The following TTC21A variants were observed in gnomAD, a reference collection of about 807,000 sequenced individuals.
The protein encoded by TTC21A is tetratricopeptide repeat protein 21A.
In TTC21A, 128 loss-of-function variants were observed where a neutral mutation model predicts 156.4. That is an observed-to-expected ratio of 0.82 (90% CI 0.71 to 0.95). The LOEUF (loss-of-function observed/expected upper bound fraction) is 0.95. TTC21A is among the 40% of genes least tolerant of loss of function. The probability of loss-of-function intolerance (pLI) is 0.00; values close to 1 mark genes in which losing one functional copy is unlikely to be tolerated. For synonymous variants in TTC21A, 587 were observed against 617.1 expected (o/e 0.95, Z 0.72); for missense variants, 1,435 against 1,602.3 (o/e 0.90, Z 1.78).
chr3:39,130,838 T>G lies in TTC21A; in HGVS notation c.2457T>G (p.Ile819Met). 1 of 1,614,158 alleles carries G rather than the reference T, an allele frequency of 6.2e-7. No individual in the cohort carries two copies. The highest frequency in any genetic ancestry group is 8.5e-7 in the Non-Finnish European group (1 of 1,180,030). The change falls in exon 18 of 29, where the codon ATT becomes ATG. Residue 819 changes from isoleucine to methionine, a missense_variant and splice_region_variant. Transcript: ENST00000683103. The surrounding 1 kb of genome is among the most constrained non-coding windows in gnomAD (Gnocchi z 4.5). ...TGAAGCAGGCACTGGAACATGACAT[T>G]GGTGAGGCAGCATTGTAACCCATTT... ...KVLKQALEHD[I>M]VQDIPSMMND...
In TTC21A at chr3:39,137,480, G is replaced by A. The variant is rs1334981662; in HGVS notation, c.3451-6G>A. On this transcript the variant is annotated splice_region_variant and splice_polypyrimidine_tract_variant and intron_variant, in intron 25 of 28. Transcript: ENST00000683103. ...TGCTGACGTCCACTTCCTACCTGGT[G>A]TGTAGAAGGACAGCGTCCCTGCCCT... The A allele has an allele frequency of 3.7e-6, 6 of 1,614,082 alleles. No individual in the cohort carries two copies. The highest frequency in any genetic ancestry group is 3.3e-5 in the Admixed American group (2 of 60,020).
Position 39,137,530 on chromosome 3 carries a change from G to A in TTC21A, c.3495G>A (p.Val1165=). ...TGCTGGCCTTGGCACAAGCCTACGT[G>A]TTCCTGAAGCAGATCCCCAAGGCGC... is the stretch of plus-strand genomic sequence containing the variant. ...PALLALAQAY[V]FLKQIPKARM... Residue 1165 remains valine, a synonymous_variant, in exon 26 of 29, where the codon GTG becomes GTA. Transcript: ENST00000683103. 3 of 1,614,242 alleles carry A rather than the reference G, an allele frequency of 1.9e-6. No homozygotes were observed. Among genetic ancestry groups the A allele is most frequent in the Non-Finnish European group, 2.5e-6 (3 of 1,180,046 alleles).
At chr3:39,112,744 C>A in intron 5 of TTC21A, 164 bp downstream of exon 5, 1 of 604,924 alleles carries the variant, frequency 1.7e-6, no homozygotes, top group Non-Finnish European at 2.1e-6. Flanking sequence ...CAGGGTTACA[C>A]AGCAGTCCAA....
chr3:39,108,332 C>G lies in TTC21A; in HGVS notation c.27+468C>G, dbSNP rs112193584. ...CCCAGAACCAGCACCATCTCTCCCC[C>G]CTGAGAGCCTGCAACAGCCTCCCTC... On this transcript the variant is annotated intron_variant, in intron 1 of 28. Coordinates refer to ENST00000683103, the MANE Select transcript of TTC21A (RefSeq NM_001366900.1). 1,530 of 164,650 alleles carry G rather than the reference C, an allele frequency of 9.3e-3. 26 individuals are homozygous for G. The highest frequency in any genetic ancestry group is 0.034 in the African/African-American group (1,432 of 41,922). 10.2% of individuals were successfully genotyped at this position (164,650 alleles called of 1,614,324 possible).
intron 5 of TTC21A, among the ~76,000 whole-genome samples, chr3:39,113,978 T>G (rs1225109320): frequency 6.6e-6 from 1 of 152,226 alleles, no homozygotes; most frequent in Non-Finnish European, 1.5e-5. Context: ...CAATTTCAAG[T>G]CTTTTAGAAG....
chr3:39,128,183 C>A, intron 12 of TTC21A, 148 bp from the exon 13 acceptor site: 1 of 898,344 alleles, frequency 1.1e-6, no homozygotes, highest in Non-Finnish European at 1.7e-6. Flanking sequence ...GAAATGGACC[C>A]CTGAGTGAAG....
intron 1 of TTC21A, among the ~76,000 whole-genome samples, chr3:39,108,524 G>A (rs2036468667): frequency 6.6e-6 from 1 of 152,186 alleles, no homozygotes; most frequent in African/African-American, 2.4e-5. Context: ...CCTTAGGATG[G>A]TGTCTGGGCT....
intron 3 of TTC21A, 43 bp from the exon 4 acceptor site, chr3:39,110,808 C>G (rs1040885427): frequency 1.3e-5 from 21 of 1,610,312 alleles, no homozygotes; most frequent in Non-Finnish European, 1.8e-5. Flanking sequence ...AGGCAGACTT[C>G]CACATCCTAA....
chr3:39,137,223 C>A lies in TTC21A; in HGVS notation c.3286C>A (p.Gln1096Lys), dbSNP rs1484122807. The stretch of plus-strand genomic sequence containing the variant: ...CATGGAGAAGAAGGAGTTGGAGCAG[C>A]AGGGTGTGAGCACCGCCGAGAAACT... ...NYMEKKELEQ[Q>K]GVSTAEKLLR... The change falls in exon 25 of 29, where the codon CAG (glutamine) becomes AAG (lysine). Residue 1096 changes from glutamine to lysine, a missense_variant. Coordinates refer to ENST00000683103, the MANE Select transcript of TTC21A (RefSeq NM_001366900.1). 1 of 1,613,810 alleles carries A rather than the reference C, an allele frequency of 6.2e-7. No homozygotes were observed. The highest frequency in any genetic ancestry group is 8.5e-7 in the Non-Finnish European group (1 of 1,179,842).
rs1253399364 is a variant in TTC21A, at chr3:39,138,819, C to T, written c.*31C>T. On this transcript the variant is annotated 3_prime_UTR_variant, in exon 29 of 29. Coordinates refer to ENST00000683103, the MANE Select transcript of TTC21A (RefSeq NM_001366900.1). ...GTCAAGGGGCCTGGACCAGTAGAAG[C>T]CATCAACCTACTGAAGTTGTGTGGA... is the stretch of plus-strand genomic sequence containing the variant. The T allele has an allele frequency of 6.3e-7, 1 of 1,585,430 alleles. No homozygotes were observed. Among genetic ancestry groups the T allele is most frequent in the South Asian group, 1.1e-5 (1 of 89,900 alleles).
intron 22 of TTC21A, among the ~76,000 whole-genome samples, chr3:39,135,738 C>G (rs1460380269): frequency 6.6e-6 from 1 of 152,174 alleles, no homozygotes; most frequent in Non-Finnish European, 1.5e-5. Context: ...TCAGTGTCCT[C>G]ATCTGTAAAA....
intron 12 of TTC21A, among the ~76,000 whole-genome samples, chr3:39,126,881 A>C (rs2038311470): frequency 6.6e-6 from 1 of 152,220 alleles, no homozygotes; most frequent in African/African-American, 2.4e-5. Flanking sequence ...GCATCTAGTA[A>C]GGGGAAATTG....
chr3:39,126,232 C>T (rs1375864782), intron 11 of TTC21A, 29 bp from the exon 12 acceptor site: 6 of 1,613,604 alleles, frequency 3.7e-6, no homozygotes, highest in Non-Finnish European at 5.1e-6. Flanking sequence ...GGCAAACCTA[C>T]TCCCACCTCC....
At chr3:39,123,669 C>A (rs1247924558) in intron 9 of TTC21A, among the ~76,000 whole-genome samples, 1 of 150,150 alleles carries the variant, frequency 6.7e-6, no homozygotes, top group African/African-American at 2.4e-5. Context: ...GGCTTTGTGG[C>A]TCTACATGGA....
rs57957307 is a variant in TTC21A, at chr3:39,136,717, T to A, written c.3096-182T>A. 4.3e-3 allele frequency: 4,035 copies of A among 943,874 alleles called. 100 individuals carry two copies. The African/African-American group carries it at 0.058, about 14-fold the overall frequency. 58.5% of individuals were successfully genotyped at this position (943,874 alleles called of 1,614,324 possible). On this transcript the variant is annotated intron_variant, in intron 23 of 28. Coordinates refer to ENST00000683103, the MANE Select transcript of TTC21A (RefSeq NM_001366900.1). Reference sequence around the variant, plus strand: ...TGGATGGAGGCCAGGTGAGGGCCACTTGGGCAGGCCACCAGCCTGCATCCA... The same window carrying A: ...TGGATGGAGGCCAGGTGAGGGCCACATGGGCAGGCCACCAGCCTGCATCCA...
chr3:39,120,642 G>C (rs1488365364), intron 8 of TTC21A, among the ~76,000 whole-genome samples: 1 of 152,220 alleles, frequency 6.6e-6, no homozygotes, highest in Non-Finnish European at 1.5e-5. Flanking sequence ...CTCCACACAT[G>C]GCAGGGAACA....
rs757597112 is a variant in TTC21A, at chr3:39,130,340, G to A, written c.2301G>A (p.Lys767=). Residue 767 remains lysine (K), a synonymous_variant, in exon 17 of 29, where the codon AAG becomes AAA. Coordinates refer to ENST00000683103, the MANE Select transcript of TTC21A (RefSeq NM_001366900.1). The surrounding 1 kb of genome is among the most constrained non-coding windows in gnomAD (Gnocchi z 4.5). ...LASRIGHAYV[K]AHQYTEAIEY... ...GCAGAATTGGGCACGCTTATGTGAA[G>A]GCCCACCAGTATACTGAGGTCAGGC... 9 of 1,613,258 alleles carry A rather than the reference G, an allele frequency of 5.6e-6. No individual in the cohort carries two copies. In the South Asian group the frequency reaches 8.8e-5, roughly 16 times the overall value.
chr3:39,137,517 C>G lies in TTC21A; in HGVS notation c.3482C>G (p.Ala1161Gly). The G allele has an allele frequency of 1.2e-6, 2 of 1,614,240 alleles. No individual in the cohort carries two copies. Among genetic ancestry groups the G allele is most frequent in the Non-Finnish European group, 1.7e-6 (2 of 1,180,042 alleles). The change falls in exon 26 of 29, where the codon GCA (alanine) becomes GGA (glycine). Residue 1161 changes from alanine to glycine, a missense_variant. Transcript: ENST00000683103. Reference protein sequence around the residue: ...KDSVPALLALAQAYVFLKQIP... With the variant: ...KDSVPALLALGQAYVFLKQIP... ...AGCGTCCCTGCCCTGCTGGCCTTGG[C>G]ACAAGCCTACGTGTTCCTGAAGCAG...
chr3:39,118,950 G>A (rs1274973), intron 7 of TTC21A: 69,271 of 151,826 alleles, frequency 0.46, 18,836 homozygotes, highest in African/African-American at 0.78. Context: ...GGGAGAGTCC[G>A]TATTTGGGAG....
Sources: allele counts gnomAD v4.1 joint callset (sites outside exome capture counted in the v4.1 genomes callset), GRCh38; gene constraint gnomAD v4.1.1; non-coding constraint Gnocchi (gnomAD v3.1); transcripts MANE v1.5; gene names NCBI Gene and HGNC (gene_info 2026-07-23, HGNC 2026-07-21).